The following RBFOX1 variants were observed in gnomAD, a reference collection of about 807,000 sequenced individuals.
RBFOX1 encodes the protein RNA binding protein fox-1 homolog 1.
RBFOX1 carries 8 observed loss-of-function variants against 57.7 expected under a neutral mutation model. The ratio of observed to expected loss-of-function variants is 0.14; its 90% CI spans 0.08 to 0.25. The LOEUF is 0.25. RBFOX1 is among the 10% of genes least tolerant of loss of function. The pLI, the probability that RBFOX1 is intolerant of heterozygous loss-of-function variation, is 1.00. For synonymous variants in RBFOX1, 326 were observed against 222.4 expected (o/e 1.47, Z -4.15); for missense variants, 611 against 548.5 (o/e 1.11, Z -1.14).
Position 7,292,386 on chromosome 16 carries a change from A to G in RBFOX1, c.28-225761A>G, listed in dbSNP as rs1409299692. Among the ~76,000 whole-genome samples, 3 of 140,614 alleles carry G rather than the reference A, an allele frequency of 2.1e-5. No homozygotes were observed. In the South Asian group the frequency reaches 6.4e-4, roughly 30 times the overall value. The allele number at this position is 140,614 out of a possible 152,430, so 92.2% of individuals were successfully genotyped here. A position where few individuals can be genotyped will look rare whatever the true frequency, so the allele number is the denominator to read the frequency against. ...ATGTTATATATCATATATGATATAC[A>G]TGATATATAATATGTAATGTATTAT... On this transcript the variant is annotated intron_variant, in intron 4 of 15. Coordinates refer to ENST00000550418, the MANE Select transcript of RBFOX1 (RefSeq NM_018723.4).
chr16:5,796,261 A>G (rs914786931), intron 3 of RBFOX1, among the ~76,000 whole-genome samples: 2 of 152,242 alleles, frequency 1.3e-5, no homozygotes, highest in African/African-American at 2.4e-5. Flanking sequence ...GATGTGGCCC[A>G]CATGGGTGAA....
At chr16:5,494,615 C>G (rs1021799345) in intron 2 of RBFOX1, among the ~76,000 whole-genome samples, 1 of 152,142 alleles carries the variant, frequency 6.6e-6, no homozygotes, top group Non-Finnish European at 1.5e-5. Context: ...GGCAGGTGTT[C>G]CTGGAGCCTG....
At chr16:7,100,527 T>C (rs2062497644) in intron 4 of RBFOX1, among the ~76,000 whole-genome samples, 1 of 151,962 alleles carries the variant, frequency 6.6e-6, no homozygotes, top group Non-Finnish European at 1.5e-5. Flanking sequence ...TTTTCTAGTG[T>C]TACTGATGGT....
chr16:6,723,407 T>A (rs1236558257), intron 3 of RBFOX1, among the ~76,000 whole-genome samples: 2 of 152,152 alleles, frequency 1.3e-5, no homozygotes, highest in Non-Finnish European at 2.9e-5. Flanking sequence ...AAGATACCAC[T>A]ATGGAGTTAT....
intron 3 of RBFOX1, among the ~76,000 whole-genome samples, chr16:5,763,399 C>T (rs2053656030): frequency 6.6e-6 from 1 of 152,176 alleles, no homozygotes; most frequent in African/African-American, 2.4e-5. Context: ...AACGTGTGTC[C>T]TCGGGCTGGG....
chr16:5,530,073 C>G (rs2151031615), intron 2 of RBFOX1, among the ~76,000 whole-genome samples: 1 of 152,246 alleles, frequency 6.6e-6, no homozygotes, highest in African/African-American at 2.4e-5. Flanking sequence ...AGCTGTGAGA[C>G]AATAAATCAC....
chr16:5,901,293 T>G (rs1457427325), intron 4 of RBFOX1, among the ~76,000 whole-genome samples: 1 of 152,182 alleles, frequency 6.6e-6, no homozygotes, highest in East Asian at 1.9e-4. Context: ...TGAAACAATT[T>G]TATGCTCTGG....
At chr16:7,179,595 C>CT (rs372434365) in intron 4 of RBFOX1, among the ~76,000 whole-genome samples, 47 of 149,062 alleles carry the variant, frequency 3.2e-4, no homozygotes, top group African/African-American at 6.6e-4. Flanking sequence ...ACATGGTTTC[C>CT]TTTTTTTTTT....
chr16:7,394,093 G>A (rs1287736793), intron 4 of RBFOX1, among the ~76,000 whole-genome samples: 20 of 151,788 alleles, frequency 1.3e-4, no homozygotes, highest in Non-Finnish European at 8.8e-5. Context: ...AAAATTAGCC[G>A]GGTGTCCTGG....
intron 4 of RBFOX1, among the ~76,000 whole-genome samples, chr16:6,002,399 A>C (rs537938439): frequency 6.6e-6 from 1 of 152,374 alleles, no homozygotes; most frequent in South Asian, 2.1e-4. Flanking sequence ...AGGAAGTAGC[A>C]GCTCTGGCTG....
At chr16:5,691,162 GCTC>G (rs1270214869) in intron 3 of RBFOX1, among the ~76,000 whole-genome samples, 1 of 152,154 alleles carries the variant, frequency 6.6e-6, no homozygotes, top group Non-Finnish European at 1.5e-5. Context: ...TGTTTTCTGA[GCTC>G]CTCAACATCT....
Position 7,369,591 on chromosome 16 carries a change from T to C in RBFOX1, c.28-148556T>C, listed in dbSNP as rs537209733. ...CATATGGTTATAGTGTTGGCTTTAATATGCTGATTATCTCAATACTTTTGT... is the reference window on the plus strand; with the variant it reads ...CATATGGTTATAGTGTTGGCTTTAACATGCTGATTATCTCAATACTTTTGT... On this transcript the variant is annotated intron_variant, in intron 4 of 15. Coordinates refer to ENST00000550418, the MANE Select transcript of RBFOX1 (RefSeq NM_018723.4). 3.3e-5 allele frequency among the ~76,000 whole-genome samples: 5 copies of C among 152,296 alleles called. No homozygotes were observed. The East Asian group carries it at 9.7e-4, about 29-fold the overall frequency.
intron 3 of RBFOX1, among the ~76,000 whole-genome samples, chr16:6,977,908 A>C (rs905687022): frequency 7.2e-6 from 1 of 139,054 alleles, no homozygotes; most frequent in Non-Finnish European, 1.5e-5. Context: ...AGATCCCAAG[A>C]GGAAACTGCC....
At chr16:7,473,680 A>G (rs981540577) in intron 4 of RBFOX1, among the ~76,000 whole-genome samples, 2 of 152,030 alleles carry the variant, frequency 1.3e-5, no homozygotes, top group South Asian at 2.1e-4. Context: ...TTAAAAAAGA[A>G]AGAGAGAGAA....
intron 4 of RBFOX1, among the ~76,000 whole-genome samples, chr16:5,981,761 G>T (rs1021968527): frequency 6.6e-6 from 1 of 152,148 alleles, no homozygotes; most frequent in Admixed American, 6.5e-5. Context: ...GAGCCGCTGT[G>T]CCCGGCCGTG....
chr16:7,179,990 G>A (rs572680706), intron 4 of RBFOX1, among the ~76,000 whole-genome samples: 19 of 151,730 alleles, frequency 1.3e-4, no homozygotes, highest in East Asian at 3.9e-4. Flanking sequence ...TGATCTGCCC[G>A]CCTTAGACCC....
At chr16:6,880,267 G>C (rs1425087422) in intron 3 of RBFOX1, among the ~76,000 whole-genome samples, 1 of 152,092 alleles carries the variant, frequency 6.6e-6, no homozygotes, top group Non-Finnish European at 1.5e-5. Context: ...AGTTAACCTT[G>C]GGGAAAAAAA....
At chr16:6,009,476 G>T (rs1368530221) in intron 4 of RBFOX1, among the ~76,000 whole-genome samples, 3 of 152,242 alleles carry the variant, frequency 2.0e-5, no homozygotes, top group African/African-American at 7.2e-5. Flanking sequence ...TGGCTCCAGG[G>T]ACTTAGAAAT....
chr16:5,594,702 G>A lies in RBFOX1; in HGVS notation c.259-4200G>A, dbSNP rs551413655. ...AGATAGGCATTTATGTCATTGAGCA[G>A]AGAGGTGACTTTGAATGCAATGGGA... On this transcript the variant is annotated intron_variant, in intron 2 of 2. Transcript: ENST00000585867. Among the ~76,000 whole-genome samples, 4 of 152,288 alleles carry A rather than the reference G, an allele frequency of 2.6e-5. No homozygotes were observed. The East Asian group carries it at 5.8e-4, about 22-fold the overall frequency.
Sources: gnomAD v4.1 joint callset for allele counts (sites outside exome capture counted in the v4.1 genomes callset) on GRCh38, gnomAD v4.1.1 for gene constraint, MANE v1.5 for transcripts, NCBI Gene and HGNC (gene_info 2026-07-23, HGNC 2026-07-21) for gene names.